Variants in AFAP1L1 observed in about 807,000 individuals in gnomAD.
The protein encoded by AFAP1L1 is actin filament associated protein 1 like 1.
In AFAP1L1, 77 loss-of-function variants were observed where a neutral mutation model predicts 99.8. The observed-to-expected ratio is 0.77, with a 90% confidence interval of 0.64 to 0.93. AFAP1L1 has a LOEUF of 0.93. AFAP1L1 is among the 40% of genes least tolerant of loss of function. The pLI, the probability that AFAP1L1 is intolerant of heterozygous loss-of-function variation, is 0.00. For synonymous variants in AFAP1L1, 373 were observed against 395.3 expected (o/e 0.94, Z 0.67); for missense variants, 893 against 996.8 (o/e 0.90, Z 1.40).
At chr5:149,289,583 CT>C (rs890350438) in intron 1 of AFAP1L1, among the ~76,000 whole-genome samples, 2 of 152,210 alleles carry the variant, frequency 1.3e-5, no homozygotes, top group African/African-American at 4.8e-5. Context: ...GTGCCGTCTC[CT>C]TCTACATTCT....
chr5:149,316,221 C>T lies in AFAP1L1; in HGVS notation c.1185C>T (p.Thr395=). 1 of 1,614,072 alleles carries T rather than the reference C, an allele frequency of 6.2e-7. No homozygotes were observed. Among genetic ancestry groups the T allele is most frequent in the Non-Finnish European group, 8.5e-7 (1 of 1,180,004 alleles). Residue 395 remains threonine (T), a synonymous_variant, in exon 11 of 19, where the codon ACC becomes ACT. Coordinates refer to ENST00000296721, the MANE Select transcript of AFAP1L1 (RefSeq NM_152406.4). ...SMSRAAGRKI[T]RIIGFSKKKT... ...GCAGGGCTGCGGGCCGCAAGATCAC[C>T]CGTATCATTGGCTTCTCCAAGAAGA... is the stretch of plus-strand genomic sequence containing the variant.
Position 149,312,187 on chromosome 5 carries a change from A to C in AFAP1L1, c.1003A>C (p.Lys335Gln). Residue 335 changes from lysine to glutamine, a missense_variant, in exon 9 of 19, where the codon AAG (lysine) becomes CAG (glutamine). By Grantham distance (53) the Lys-to-Gln change is moderately conservative (BLOSUM62 1). Coordinates refer to ENST00000296721, the MANE Select transcript of AFAP1L1 (RefSeq NM_152406.4). ...EVPRSPVLLC[K>Q]LDLDKRLSQE... Reference sequence around the variant, plus strand: ...CCCCAGATCCCCAGTCCTCCTGTGCAAGTTGGACCTGGACAAGGTATATCT... The same window carrying C: ...CCCCAGATCCCCAGTCCTCCTGTGCCAGTTGGACCTGGACAAGGTATATCT... The C allele has an allele frequency of 1.2e-6, 2 of 1,614,136 alleles. No homozygotes were observed. Among genetic ancestry groups the C allele is most frequent in the Non-Finnish European group, 1.7e-6 (2 of 1,180,014 alleles).
chr5:149,292,749 C>T (rs987070396), intron 1 of AFAP1L1, among the ~76,000 whole-genome samples: 1 of 152,140 alleles, frequency 6.6e-6, no homozygotes. Context: ...GGAATTTATT[C>T]GTGGTTCTAA....
Position 149,315,887 on chromosome 5 carries a change from C to A in AFAP1L1, c.1087C>A (p.Leu363Ile), listed in dbSNP as rs927224116. Residue 363 changes from leucine to isoleucine, a missense_variant, in exon 10 of 19, where the codon CTT (leucine) becomes ATT (isoleucine). Transcript: ENST00000296721. The stretch of plus-strand genomic sequence containing the variant: ...GGGTGTGGGTGACAACTGTTCTACC[C>A]TTGGCCGCCGGGAGACCTGTGATCA... ...SVGVGDNCST[L>I]GRRETCDHGK... The A allele has an allele frequency of 6.2e-7, 1 of 1,614,144 alleles. No individual in the cohort carries two copies. The highest frequency in any genetic ancestry group is 2.2e-5 in the East Asian group (1 of 44,866).
In AFAP1L1 at chr5:149,299,113, C is replaced by T. The variant is rs138401939; in HGVS notation, c.17-396C>T. On this transcript the variant is annotated intron_variant, in intron 1 of 18. Transcript: ENST00000296721. The stretch of plus-strand genomic sequence containing the variant: ...GTCCTGGATGGCCAGGGGCTCCAGC[C>T]TGAGACCTGTGCTGAGCTTCGAGCT... 1.8e-4 allele frequency among the ~76,000 whole-genome samples: 27 copies of T among 152,334 alleles called. 2 individuals carry two copies. The highest frequency in any genetic ancestry group is 6.0e-4 in the African/African-American group (25 of 41,592).
At chr5:149,301,989 G>A (rs948529127) in intron 4 of AFAP1L1, among the ~76,000 whole-genome samples, 1 of 152,256 alleles carries the variant, frequency 6.6e-6, no homozygotes, top group South Asian at 2.1e-4. Flanking sequence ...TAGCTGTAAA[G>A]CCACGGTTCC....
At chr5:149,299,365 A>G in intron 1 of AFAP1L1, 144 bp from the exon 2 acceptor site, 1 of 1,085,994 alleles carries the variant, frequency 9.2e-7, no homozygotes, top group South Asian at 1.6e-5. Flanking sequence ...GGTCTGGGAC[A>G]GCTGAGAGCC....
intron 11 of AFAP1L1, 68 bp downstream of exon 11, chr5:149,316,371 A>G: frequency 1.3e-6 from 2 of 1,554,760 alleles, no homozygotes; most frequent in East Asian, 4.5e-5. Flanking sequence ...GGCTGAGGCC[A>G]GGAGACCTCA....
At chr5:149,308,863 G>A (rs1313825731) in intron 7 of AFAP1L1, among the ~76,000 whole-genome samples, 4 of 151,992 alleles carry the variant, frequency 2.6e-5, no homozygotes, top group Non-Finnish European at 5.9e-5. Context: ...GGGAGGCTGA[G>A]GCAGGAGGAT....
chr5:149,277,604 C>G lies in AFAP1L1; in HGVS notation c.16+5620C>G, dbSNP rs550893492. On this transcript the variant is annotated intron_variant, in intron 1 of 18. Transcript: ENST00000296721. ...ATGGTCTTTTGAAAGGAACCCTTAT[C>G]CATATTCGAATCATCTTTTTGATCC... 5.1e-4 allele frequency among the ~76,000 whole-genome samples: 77 copies of G among 152,318 alleles called. 1 individual carries two copies. Among genetic ancestry groups the G allele is most frequent in the Non-Finnish European group, 9.0e-4 (61 of 68,032 alleles).
intron 1 of AFAP1L1, among the ~76,000 whole-genome samples, chr5:149,284,348 G>T (rs1049662321): frequency 6.6e-6 from 1 of 152,136 alleles, no homozygotes; most frequent in Non-Finnish European, 1.5e-5. Context: ...TTGAATCCTG[G>T]CTCTACTCCT....
Position 149,300,313 on chromosome 5 carries a change from A to G in AFAP1L1, c.188A>G (p.His63Arg). ...SYLYVNTADL[H>R]SGPSFVESLF... ...CTGTATGTGAACACAGCAGACCTCC[A>G]CTCGGGGCCCAGCTTCGTGGAATCC... The change falls in exon 3 of 19, where the codon CAC (histidine) becomes CGC (arginine). Residue 63 changes from histidine to arginine, a missense_variant. Coordinates refer to ENST00000296721, the MANE Select transcript of AFAP1L1 (RefSeq NM_152406.4). 1 of 1,613,598 alleles carries G rather than the reference A, an allele frequency of 6.2e-7. No homozygotes were observed. Among genetic ancestry groups the G allele is most frequent in the East Asian group, 2.2e-5 (1 of 44,870 alleles).
rs1409647089 is a variant in AFAP1L1, at chr5:149,332,803, A to C, written c.2084A>C (p.Glu695Ala). 6.2e-7 allele frequency: 1 copy of C among 1,612,996 alleles called. No individual in the cohort carries two copies. Among genetic ancestry groups the C allele is most frequent in the South Asian group, 1.1e-5 (1 of 90,996 alleles). ...DLELKLVAVK[E>A]RLQQSLAGGP... is the part of the protein sequence containing the mutation. ...GAGCTGAAGCTGGTGGCTGTGAAGGAGCGCTTGCAGCAGTCCCTGGCAGGA... is the reference window on the plus strand; with the variant it reads ...GAGCTGAAGCTGGTGGCTGTGAAGGCGCGCTTGCAGCAGTCCCTGGCAGGA... Residue 695 changes from glutamate (E) to alanine (A), a missense_variant, in exon 17 of 19, where the codon GAG (glutamate) becomes GCG (alanine). Transcript: ENST00000296721.
chr5:149,318,396 T>G (rs1196574266), intron 12 of AFAP1L1, among the ~76,000 whole-genome samples: 1 of 152,240 alleles, frequency 6.6e-6, no homozygotes, highest in Admixed American at 6.5e-5. Flanking sequence ...CTAAGACTTT[T>G]CACCAGTACC....
intron 11 of AFAP1L1, 136 bp downstream of exon 11, chr5:149,316,439 A>T: frequency 9.5e-7 from 1 of 1,057,262 alleles, no homozygotes; most frequent in Non-Finnish European, 1.4e-6. Context: ...CTGGGAGGCT[A>T]AGCCCCACTC....
intron 1 of AFAP1L1, among the ~76,000 whole-genome samples, chr5:149,291,524 C>CAAAAAAA (rs1229134807): frequency 2.9e-3 from 38 of 13,306 alleles, no homozygotes; most frequent in South Asian, 5.9e-3. Flanking sequence ...GACTCCGTCT[C>CAAAAAAA]AAAAAAAAAA....
intron 1 of AFAP1L1, 116 bp downstream of exon 1, chr5:149,272,100 G>C: frequency 6.5e-5 from 61 of 944,876 alleles, no homozygotes; most frequent in South Asian, 1.1e-4. Context: ...GGGGGCTGAG[G>C]AACGCTCGGA....
intron 1 of AFAP1L1, among the ~76,000 whole-genome samples, chr5:149,285,347 A>G (rs1403086942): frequency 2.6e-5 from 4 of 152,114 alleles, no homozygotes; most frequent in Admixed American, 6.5e-5. Flanking sequence ...TAGTAATCAT[A>G]ATGAACCCTT....
Position 149,310,094 on chromosome 5 carries a change from C to T in AFAP1L1, c.886C>T (p.Leu296=), listed in dbSNP as rs1209612119. 2.5e-6 allele frequency: 4 copies of T among 1,613,166 alleles called. No homozygotes were observed. Among genetic ancestry groups the T allele is most frequent in the Non-Finnish European group, 3.4e-6 (4 of 1,179,482 alleles). ...FTQGATEVLV[L]ALQSREQAEE... is the part of the protein sequence containing the mutation. ...CCAGGGGGCTACCGAGGTCTTGGTG[C>T]TGGCACTGCAGAGCCGAGAGCAGGC... Residue 296 remains leucine, a synonymous_variant, in exon 8 of 19, where the codon CTG becomes TTG. Transcript: ENST00000296721.
Sources: gnomAD v4.1 joint callset for allele counts (sites outside exome capture counted in the v4.1 genomes callset) on GRCh38, gnomAD v4.1.1 for gene constraint, MANE v1.5 for transcripts, NCBI Gene and HGNC (gene_info 2026-07-23, HGNC 2026-07-21) for gene names.